Variants in NIPBL observed in about 807,000 individuals in gnomAD.
The protein encoded by NIPBL is nipped-B-like protein.
A neutral mutation model predicts 321.8 loss-of-function variants in NIPBL; 19 were observed. The observed-to-expected ratio is 0.06, with a 90% CI of 0.04 to 0.09. The LOEUF is 0.09. Ranked by LOEUF, NIPBL falls within the 10% of genes least tolerant of loss-of-function variation. NIPBL has a pLI of 1.00. For missense variants in NIPBL, 2,210 were observed against 3,327.0 expected, an observed-to-expected ratio of 0.66 and a Z score of 8.26; for synonymous variants, 1,106 against 1,114.1, an observed-to-expected ratio of 0.99 and a Z score of 0.14.
intron 16 of NIPBL, among the ~76,000 whole-genome samples, 200 bp downstream of exon 16, chr5:37,003,547 A>G (rs1229089791): frequency 6.6e-6 from 1 of 152,138 alleles, no homozygotes; most frequent in East Asian, 1.9e-4. Context: ...CCTAATTTAT[A>G]AATTAAGTTT....
chr5:36,877,301 G>GA (rs1257665989), intron 1 of NIPBL, 123 bp downstream of exon 1: 1 of 156,012 alleles, frequency 6.4e-6, no homozygotes, highest in Middle Eastern at 3.0e-3. Flanking sequence ...TTCCACAGGC[G>GA]AGTCTAGAGT....
At position 36,912,056 on chromosome 5, in the gene NIPBL, T is replaced by C. The variant is rs146904096; in HGVS notation, c.-80+34878T>C. Reference sequence around the variant, plus strand: ...ACAATGAGGAAGCTAACTGTACAGATAGTAACACCAGAAGATGGGAACCCA... The same window carrying C: ...ACAATGAGGAAGCTAACTGTACAGACAGTAACACCAGAAGATGGGAACCCA... On this transcript the variant is annotated intron_variant, in intron 1 of 46. Transcript: ENST00000282516. 2.1e-3 allele frequency among the ~76,000 whole-genome samples: 321 copies of C among 152,254 alleles called. 2 individuals are homozygous for C. The highest frequency in any genetic ancestry group is 7.5e-3 in the African/African-American group (313 of 41,552).
intron 32 of NIPBL, among the ~76,000 whole-genome samples, chr5:37,035,210 G>A (rs766537804): frequency 6.6e-5 from 10 of 152,224 alleles, no homozygotes; most frequent in Non-Finnish European, 1.0e-4. Flanking sequence ...GGGCAAGGCT[G>A]CAGTGAGCTT....
At chr5:37,051,938 A>C (rs1753599070) in intron 41 of NIPBL, 52 bp downstream of exon 41, 1 of 1,314,916 alleles carries the variant, frequency 7.6e-7, no homozygotes, top group Non-Finnish European at 1.1e-6. Flanking sequence ...TCTTGAGTAA[A>C]GCATTTCTTT....
At chr5:36,926,991 G>C (rs1749414143) in intron 1 of NIPBL, among the ~76,000 whole-genome samples, 1 of 152,140 alleles carries the variant, frequency 6.6e-6, no homozygotes, top group Non-Finnish European at 1.5e-5. Context: ...GAACCAAAAT[G>C]TTTATTGGTT....
intron 1 of NIPBL, among the ~76,000 whole-genome samples, chr5:36,884,714 A>G (rs983026880): frequency 6.6e-6 from 1 of 152,198 alleles, no homozygotes; most frequent in Non-Finnish European, 1.5e-5. Flanking sequence ...GAATTGAGCC[A>G]TGTGGTATTT....
In NIPBL at chr5:37,002,718, C is replaced by T; in HGVS notation, c.3721C>T (p.Leu1241Phe). The T allele has an allele frequency of 1.2e-6, 2 of 1,612,480 alleles. No individual in the cohort carries two copies. Among genetic ancestry groups the T allele is most frequent in the Non-Finnish European group, 1.7e-6 (2 of 1,178,870 alleles). ...CTTAGGAAAACATCAGCTTAATGAA[C>T]TTGGCAGTGAATCTGCTAAAATAAA... ...LLLGKHQLNE[L>F]GSESAKIKAM... The change falls in exon 15 of 47, where the codon CTT (leucine) becomes TTT (phenylalanine). Residue 1241 changes from leucine (L) to phenylalanine (F), a missense_variant. Around this residue, in one of 14 missense-constraint regions of NIPBL, gnomAD observed 381 missense variants for 642.3 expected, o/e 0.59. Transcript: ENST00000282516.
Position 37,064,554 on chromosome 5 carries a change from G to C in NIPBL, c.8077G>C (p.Asp2693His). The C allele has an allele frequency of 6.2e-7, 1 of 1,613,912 alleles. No individual in the cohort carries two copies. The highest frequency in any genetic ancestry group is 8.5e-7 in the Non-Finnish European group (1 of 1,180,036). The change falls in exon 47 of 47, where the codon GAC becomes CAC. Residue 2693 changes from aspartate to histidine, a missense_variant. By Grantham distance (81) the Asp-to-His change is moderately conservative. This residue lies in a region of NIPBL where 159 missense variants were observed against 319.2 expected (regional missense o/e 0.50). Coordinates refer to ENST00000282516, the MANE Select transcript of NIPBL (RefSeq NM_133433.4). ...ATTGAGAAGGTCAAAACGAAATTCA[G>C]ACTCTACGGAGTTGGCAGCACAGAT... ...GSLRRSKRNS[D>H]STELAAQMNE...
intron 10 of NIPBL, among the ~76,000 whole-genome samples, chr5:36,992,345 A>G (rs1745622424): frequency 6.6e-6 from 1 of 152,230 alleles, no homozygotes; most frequent in Non-Finnish European, 1.5e-5. Flanking sequence ...AAAATCATCA[A>G]TCCCTAAAAT....
At chr5:37,044,828 T>C in intron 36 of NIPBL, 99 bp downstream of exon 36, 1 of 839,118 alleles carries the variant, frequency 1.2e-6, no homozygotes. Context: ...TCGAGGAAAT[T>C]ATGAGGTGTG....
At position 37,048,583 on chromosome 5, in the gene NIPBL, A is replaced by G. The variant is rs1483830067; in HGVS notation, c.6671A>G (p.Asn2224Ser). ...NLYNNILSDK[N>S]SSVNLKIQVL... ...TATAATAATATTTTATCTGATAAGA[A>G]CTCCTCAGTCAATTTAAAAATACAA... is the stretch of plus-strand genomic sequence containing the variant. The change falls in exon 39 of 47, where the codon AAC becomes AGC. Residue 2224 changes from asparagine to serine, a missense_variant. Physicochemically the swap from Asn to Ser is conservative, Grantham distance 46 (BLOSUM62 1). Around this residue, in one of 14 missense-constraint regions of NIPBL, gnomAD observed 40 missense variants for 55.3 expected, o/e 0.72. Coordinates refer to ENST00000282516, the MANE Select transcript of NIPBL (RefSeq NM_133433.4). 1 of 1,597,166 alleles carries G rather than the reference A, an allele frequency of 6.3e-7. No homozygotes were observed. The highest frequency in any genetic ancestry group is 2.2e-5 in the East Asian group (1 of 44,562).
chr5:36,905,153 A>T (rs1301100831), intron 1 of NIPBL, among the ~76,000 whole-genome samples: 1 of 152,212 alleles, frequency 6.6e-6, no homozygotes, highest in East Asian at 1.9e-4. Context: ...GCCAAAAAAA[A>T]TTAGTCAAGA....
intron 45 of NIPBL, among the ~76,000 whole-genome samples, chr5:37,061,679 C>CA (rs1252357156): frequency 3.3e-5 from 5 of 151,924 alleles, no homozygotes; most frequent in African/African-American, 1.2e-4. Context: ...AACCCTGTCT[C>CA]AAAAAAATTA....
At position 36,896,074 on chromosome 5, in the gene NIPBL, A is replaced by G. The variant is rs561594154; in HGVS notation, c.-80+18896A>G. On this transcript the variant is annotated intron_variant, in intron 1 of 46. Coordinates refer to ENST00000282516, the MANE Select transcript of NIPBL (RefSeq NM_133433.4). ...GTGTTTAGTTTTAGCACTTACATTTAATACTCTGATCCATTTTGAGTTAAT... is the reference window on the plus strand; with the variant it reads ...GTGTTTAGTTTTAGCACTTACATTTGATACTCTGATCCATTTTGAGTTAAT... Among the ~76,000 whole-genome samples, 50 of 152,240 alleles carry G rather than the reference A, an allele frequency of 3.3e-4. 1 individual carries two copies. The highest frequency in any genetic ancestry group is 6.8e-3 in the Middle Eastern group (2 of 294).
intron 1 of NIPBL, among the ~76,000 whole-genome samples, chr5:36,911,793 A>T (rs1164678659): frequency 1.3e-5 from 2 of 152,210 alleles, no homozygotes; most frequent in Non-Finnish European, 2.9e-5. Context: ...CACAGAGAAA[A>T]ATTAGCAAAA....
At chr5:36,885,360 C>T in intron 1 of NIPBL, 1 of 464,184 alleles carries the variant, frequency 2.2e-6, no homozygotes, top group African/African-American at 2.0e-5. Context: ...TCCTGTTCCA[C>T]CAGCTTCCGC....
chr5:36,999,311 C>T (rs1027584705), intron 11 of NIPBL, among the ~76,000 whole-genome samples: 10 of 152,158 alleles, frequency 6.6e-5, no homozygotes, highest in Non-Finnish European at 1.3e-4. Flanking sequence ...AAATAACAGA[C>T]TAGAAAGTTT....
chr5:36,984,578 A>C (rs1194823438), intron 9 of NIPBL, 98 bp from the exon 10 acceptor site: 2 of 1,127,650 alleles, frequency 1.8e-6, no homozygotes, highest in African/African-American at 3.2e-5. Flanking sequence ...TCCATTTTAA[A>C]AACATAACCT....
intron 4 of NIPBL, among the ~76,000 whole-genome samples, 165 bp downstream of exon 4, chr5:36,958,396 A>G (rs151201218): frequency 2.0e-4 from 30 of 152,378 alleles, no homozygotes; most frequent in African/African-American, 7.0e-4. Context: ...GTAGTTTAAT[A>G]TGTAACTAAA....
Sources: gnomAD v4.1 joint callset for allele counts (sites outside exome capture counted in the v4.1 genomes callset) on GRCh38, gnomAD v4.1.1 for gene constraint, gnomAD v4.1.1 regional missense constraint, MANE v1.5 for transcripts, NCBI Gene and HGNC (gene_info 2026-07-23, HGNC 2026-07-21) for gene names.